Variants in CDYL2 observed in about 807,000 individuals in gnomAD.
The protein encoded by CDYL2 is chromodomain Y-like protein 2.
CDYL2 carries 23 observed loss-of-function variants against 49.4 expected under a neutral mutation model. That is an observed-to-expected ratio of 0.47 (90% CI 0.34 to 0.66). The LOEUF (loss-of-function observed/expected upper bound fraction) is 0.66, where lower values mean the gene tolerates loss of function less well. Ranked by LOEUF, CDYL2 falls within the 30% of genes least tolerant of loss-of-function variation. The pLI, the probability that CDYL2 is intolerant of heterozygous loss-of-function variation, is 0.01. For missense variants in CDYL2, 678 were observed against 656.4 expected (o/e 1.03, Z -0.36); for synonymous variants, 360 against 268.8 (o/e 1.34, Z -3.32).
At chr16:80,691,539 G>C (rs191644734) in intron 1 of CDYL2, among the ~76,000 whole-genome samples, 15 of 152,298 alleles carry the variant, frequency 9.8e-5, no homozygotes, top group Non-Finnish European at 1.9e-4. Flanking sequence ...AGACCAACAG[G>C]AATTTCCATA....
chr16:80,659,982 C>T (rs190312035), intron 2 of CDYL2, among the ~76,000 whole-genome samples: 1 of 151,638 alleles, frequency 6.6e-6, no homozygotes, highest in Non-Finnish European at 1.5e-5. Flanking sequence ...ATCATATTGT[C>T]AAAAAGGAAT....
intron 1 of CDYL2, among the ~76,000 whole-genome samples, chr16:80,784,985 A>G (rs916940271): frequency 6.6e-6 from 1 of 152,162 alleles, no homozygotes; most frequent in Non-Finnish European, 1.5e-5. Context: ...AACAAAAAAG[A>G]GTCAGTAAGT....
intron 1 of CDYL2, among the ~76,000 whole-genome samples, chr16:80,764,336 G>A (rs1016546439): frequency 1.3e-5 from 2 of 152,102 alleles, no homozygotes; most frequent in Non-Finnish European, 2.9e-5. Context: ...TGTTCTGAGA[G>A]ACAGAAAAAG....
chr16:80,618,357 A>G (rs964874863), intron 4 of CDYL2, among the ~76,000 whole-genome samples: 13 of 152,224 alleles, frequency 8.5e-5, no homozygotes, highest in African/African-American at 3.1e-4. Context: ...TTGGTTCTCA[A>G]GAGTCCAGAG....
chr16:80,725,360 C>A (rs1257641645), intron 1 of CDYL2, among the ~76,000 whole-genome samples: 1 of 152,170 alleles, frequency 6.6e-6, no homozygotes, highest in African/African-American at 2.4e-5. Flanking sequence ...CCCTTTACAA[C>A]ACTTATTGCA....
At chr16:80,720,076 A>G (rs926264560) in intron 1 of CDYL2, among the ~76,000 whole-genome samples, 1 of 152,196 alleles carries the variant, frequency 6.6e-6, no homozygotes, top group Non-Finnish European at 1.5e-5. Flanking sequence ...AGCAAATAAT[A>G]TTTAGGCAGA....
intron 2 of CDYL2, among the ~76,000 whole-genome samples, chr16:80,650,130 A>C (rs1908522781): frequency 6.6e-6 from 1 of 152,178 alleles, no homozygotes; most frequent in Admixed American, 6.5e-5. Context: ...GATCACAGTA[A>C]GTTAAAAAGC....
intron 1 of CDYL2, among the ~76,000 whole-genome samples, chr16:80,707,088 G>A (rs917154259): frequency 1.3e-5 from 2 of 152,136 alleles, no homozygotes; most frequent in African/African-American, 4.8e-5. Flanking sequence ...CCCAGAGCCT[G>A]CCCCCTAGGA....
At chr16:80,723,246 G>C (rs925313032) in intron 1 of CDYL2, among the ~76,000 whole-genome samples, 1 of 152,220 alleles carries the variant, frequency 6.6e-6, no homozygotes, top group African/African-American at 2.4e-5. Context: ...CTGGCACAAA[G>C]GCTGCATTCA....
chr16:80,598,890 T>C lies in CDYL2; in HGVS notation c.*5498A>G, dbSNP rs1905954989. ...ACAATCTATGAAACTCAGGCTTTGT[T>C]AGAATAATGGAATTCTTTGGTTCTC... On this transcript the variant is annotated 3_prime_UTR_variant, in exon 7 of 7. Transcript: ENST00000570137. 1 of 152,172 alleles carries C rather than the reference T, an allele frequency of 6.6e-6. No homozygotes were observed. The highest frequency in any genetic ancestry group is 2.4e-5 in the African/African-American group (1 of 41,432). The allele number at this position is 152,172 out of a possible 1,614,324, so 9.4% of individuals were successfully genotyped here.
chr16:80,702,567 G>C lies in CDYL2; in HGVS notation c.25-17438C>G, dbSNP rs557315070. Among the ~76,000 whole-genome samples, 3 of 152,232 alleles carry C rather than the reference G, an allele frequency of 2.0e-5. No individual in the cohort carries two copies. In the East Asian group the frequency reaches 5.8e-4, roughly 29 times the overall value. On this transcript the variant is annotated intron_variant, in intron 1 of 6. Transcript: ENST00000570137. The stretch of plus-strand genomic sequence containing the variant: ...GAGTTTCAGACCATCCTGCGCAACA[G>C]AGTGACAACCCATCTCTACAAAAAA...
chr16:80,744,664 G>C (rs894140125), intron 1 of CDYL2, among the ~76,000 whole-genome samples: 2 of 152,158 alleles, frequency 1.3e-5, no homozygotes, highest in Non-Finnish European at 2.9e-5. Flanking sequence ...TAATATTCCA[G>C]CTCTGTAAGA....
At chr16:80,660,362 C>A (rs930336151) in intron 2 of CDYL2, among the ~76,000 whole-genome samples, 1 of 151,522 alleles carries the variant, frequency 6.6e-6, no homozygotes, top group East Asian at 1.9e-4. Context: ...CAACTGAAAG[C>A]CAAGCAGAAG....
At chr16:80,662,006 T>C (rs1320066549) in intron 2 of CDYL2, among the ~76,000 whole-genome samples, 1 of 152,182 alleles carries the variant, frequency 6.6e-6, no homozygotes, top group Non-Finnish European at 1.5e-5. Flanking sequence ...CGCCAAATTC[T>C]TAATAATGTT....
intron 1 of CDYL2, among the ~76,000 whole-genome samples, chr16:80,716,972 G>A (rs543177755): frequency 6.7e-6 from 1 of 150,278 alleles, no homozygotes; most frequent in South Asian, 2.1e-4. Flanking sequence ...ATGGATGAGT[G>A]GATAGATGAT....
At chr16:80,615,950 G>A (rs1442451765) in intron 4 of CDYL2, among the ~76,000 whole-genome samples, 3 of 152,160 alleles carry the variant, frequency 2.0e-5, no homozygotes, top group Admixed American at 1.3e-4. Flanking sequence ...CTGCAGCTCC[G>A]ATATCTGATC....
intron 2 of CDYL2, among the ~76,000 whole-genome samples, chr16:80,668,707 T>C (rs767739792): frequency 6.6e-6 from 1 of 152,008 alleles, no homozygotes; most frequent in Non-Finnish European, 1.5e-5. Context: ...GAGACCAGCC[T>C]GGCCAACATG....
chr16:80,778,523 C>T (rs1266266122), intron 1 of CDYL2, among the ~76,000 whole-genome samples: 1 of 151,870 alleles, frequency 6.6e-6, no homozygotes, highest in Non-Finnish European at 1.5e-5. Flanking sequence ...AACTGTCTAA[C>T]AAACTTAGGA....
intron 1 of CDYL2, among the ~76,000 whole-genome samples, chr16:80,741,763 A>C (rs1335761438): frequency 1.3e-5 from 2 of 152,252 alleles, no homozygotes; most frequent in African/African-American, 4.8e-5. Context: ...AATTGGCAAA[A>C]ATTAAATAAT....
Sources: gnomAD v4.1 joint callset for allele counts (sites outside exome capture counted in the v4.1 genomes callset) on GRCh38, gnomAD v4.1.1 for gene constraint, MANE v1.5 for transcripts, NCBI Gene and HGNC (gene_info 2026-07-23, HGNC 2026-07-21) for gene names.